Variants in PTRH1 observed in about 807,000 individuals in gnomAD.
PTRH1 encodes peptidyl-tRNA hydrolase 1 homolog.
PTRH1 carries 13 observed loss-of-function variants against 15.7 expected under a neutral mutation model. The ratio of observed to expected loss-of-function variants is 0.83; its 90% CI spans 0.54 to 1.31. PTRH1 has a LOEUF of 1.31. Ranked by LOEUF, PTRH1 falls within the 40% of genes most tolerant of loss-of-function variation. PTRH1 has a pLI of 0.00. For missense variants in PTRH1, 319 were observed against 296.2 expected, an observed-to-expected ratio of 1.08 and a Z score of -0.56; for synonymous variants, 139 against 136.7, an observed-to-expected ratio of 1.02 and a Z score of -0.12.
At chr9:127,712,251 CAGCGGCTACAG>C (rs778716738), downstream of PTRH1, 5 of 1,613,888 alleles carry the variant, frequency 3.1e-6, no homozygotes, top group Non-Finnish European at 4.2e-6. Context: ...GGTGGATTTG[CAGCGGCTACAG>C]CAGGAACTGG....
downstream of PTRH1, chr9:127,711,502 C>G (rs762478299): frequency 9.3e-6 from 15 of 1,611,850 alleles, no homozygotes; most frequent in South Asian, 1.4e-4. Flanking sequence ...AGAAGGTGTG[C>G]CTGCAGGCCT....
At chr9:127,710,772 C>T, downstream of PTRH1, 1 of 1,554,070 alleles carries the variant, frequency 6.4e-7, no homozygotes, top group Non-Finnish European at 8.7e-7. Context: ...AGCGGGGCAC[C>T]CTTTGGGGCC....
intron 1 of PTRH1, among the ~76,000 whole-genome samples, chr9:127,703,675 A>T (rs181347807): frequency 7.9e-4 from 121 of 152,302 alleles, no homozygotes; most frequent in African/African-American, 2.6e-3. Flanking sequence ...CACGGCACCC[A>T]AACTGGGGGA....
downstream of PTRH1, chr9:127,709,456 GAGA>G (rs763080928): frequency 6.8e-6 from 11 of 1,613,814 alleles, no homozygotes; most frequent in Middle Eastern, 1.7e-4. The surrounding 1 kb of genome is among the most constrained non-coding windows in gnomAD (Gnocchi z 4.7). Context: ...GGCTGTGCAG[GAGA>G]AGATGTTCCG....
downstream of PTRH1, chr9:127,712,367 AG>A: frequency 6.2e-7 from 1 of 1,612,824 alleles, no homozygotes; most frequent in Non-Finnish European, 8.5e-7. Flanking sequence ...GAAGGGAGAG[AG>A]GGAGGGCGCA....
At chr9:127,703,698 T>C (rs1004130861) in intron 1 of PTRH1, among the ~76,000 whole-genome samples, 3 of 152,132 alleles carry the variant, frequency 2.0e-5, no homozygotes, top group Admixed American at 6.5e-5. Flanking sequence ...GACCTACTTT[T>C]CCTAAGTCAC....
chr9:127,704,072 A>G (rs1224299026), intron 1 of PTRH1, among the ~76,000 whole-genome samples: 2 of 152,188 alleles, frequency 1.3e-5, no homozygotes, highest in Non-Finnish European at 2.9e-5. Flanking sequence ...CCTAGAGCAT[A>G]ACACCCCAGG....
intron 1 of PTRH1, among the ~76,000 whole-genome samples, chr9:127,702,764 T>G (rs974185081): frequency 6.6e-6 from 1 of 151,528 alleles, no homozygotes; most frequent in Non-Finnish European, 1.5e-5. Flanking sequence ...CAGGCTGGAG[T>G]GCAATGGCAT....
intron 1 of PTRH1, among the ~76,000 whole-genome samples, chr9:127,704,003 G>A (rs934029027): frequency 6.6e-6 from 1 of 152,184 alleles, no homozygotes; most frequent in Non-Finnish European, 1.5e-5. Flanking sequence ...CTCCCAGGGC[G>A]AAATGAAGAG....
chr9:127,697,387 T>C (rs1345344014), intron 1 of PTRH1, among the ~76,000 whole-genome samples: 1 of 152,072 alleles, frequency 6.6e-6, no homozygotes, highest in African/African-American at 2.4e-5. Flanking sequence ...TGGCCGGGCG[T>C]AGTGGCTCAC....
intron 1 of PTRH1, among the ~76,000 whole-genome samples, chr9:127,706,489 G>A (rs927474428): frequency 6.6e-6 from 1 of 152,174 alleles, no homozygotes; most frequent in Admixed American, 6.5e-5. Context: ...GAGTGCCTGG[G>A]CTGGTGGGGA....
At chr9:127,706,915 G>A (rs567519910) in intron 1 of PTRH1, 1 of 1,255,514 alleles carries the variant, frequency 8.0e-7, no homozygotes, top group African/African-American at 1.5e-5. Flanking sequence ...GCAAGAAGAG[G>A]GCAGGGTCCC....
At position 127,715,467 on chromosome 9, in the gene PTRH1, A is replaced by C; in HGVS notation, c.96+77T>G. On this transcript the variant is annotated intron_variant, in intron 1 of 4. Transcript: ENST00000543175. This position sits in a 1 kb window ranked among gnomAD's most constrained non-coding sequence, Gnocchi z 5.8. ...GAAAACAGAGCAGCAATTTGGGGGC[A>C]CTCGGCTCCCGGGACATAATGGCCG... 6.3e-7 allele frequency: 1 copy of C among 1,591,878 alleles called. No homozygotes were observed. The highest frequency in any genetic ancestry group is 8.6e-7 in the Non-Finnish European group (1 of 1,164,660).
rs957363795 is a variant in PTRH1, at chr9:127,695,009, G to A, written c.338C>T (p.Ser113Phe). 3 of 702,738 alleles carry A rather than the reference G, an allele frequency of 4.3e-6. No homozygotes were observed. The African/African-American group carries it at 5.2e-5, about 12-fold the overall frequency. 43.5% of individuals were successfully genotyped at this position (702,738 alleles called of 1,614,324 possible). Residue 113 changes from serine to phenylalanine, a missense_variant, in exon 2 of 3, where the codon TCC becomes TTC. By Grantham distance (155) the Ser-to-Phe change is radical. Coordinates refer to the PTRH1 transcript ENST00000335223. ...CCTCCTGTAGTGCCCGTGGAGGCGG[G>A]AAGCTGAGCCCGGCTCCCAGGAAGC...
intron 1 of PTRH1, among the ~76,000 whole-genome samples, chr9:127,699,321 C>T (rs1842586105): frequency 1.3e-5 from 2 of 152,230 alleles, no homozygotes; most frequent in Admixed American, 6.5e-5. Context: ...TCAACCAACG[C>T]GGAACCGACA....
In PTRH1 at chr9:127,713,922, C is replaced by A. The variant is rs1489782451; in HGVS notation, c.*178G>T. 2.5e-6 allele frequency: 4 copies of A among 1,611,604 alleles called. No homozygotes were observed. The highest frequency in any genetic ancestry group is 1.3e-5 in the African/African-American group (1 of 75,000). On this transcript the variant is annotated 3_prime_UTR_variant, in exon 5 of 5. Transcript: ENST00000543175. ...CCCAAGTAGGACACAGAGAGAAGAACCTACTCCAGAAATGGACTGGTCCAG... is the reference window on the plus strand; with the variant it reads ...CCCAAGTAGGACACAGAGAGAAGAAACTACTCCAGAAATGGACTGGTCCAG...
intron 1 of PTRH1, among the ~76,000 whole-genome samples, chr9:127,697,828 G>A (rs567838440): frequency 9.2e-5 from 14 of 152,304 alleles, no homozygotes; most frequent in Non-Finnish European, 1.2e-4. Flanking sequence ...TGGAGGGAGC[G>A]CTGCCTCTTT....
chr9:127,698,148 T>TA (rs1009792410), intron 1 of PTRH1, among the ~76,000 whole-genome samples: 1 of 152,152 alleles, frequency 6.6e-6, no homozygotes, highest in African/African-American at 2.4e-5. Flanking sequence ...TAGTCCTAAC[T>TA]ACTTGGGAGG....
chr9:127,699,503 G>A (rs1413620200), intron 1 of PTRH1, among the ~76,000 whole-genome samples: 1 of 152,198 alleles, frequency 6.6e-6, no homozygotes, highest in Non-Finnish European at 1.5e-5. Context: ...GGAGGCGGGG[G>A]TTCCTGGAGT....
Sources: allele counts gnomAD v4.1 joint callset (sites outside exome capture counted in the v4.1 genomes callset), GRCh38; gene constraint gnomAD v4.1.1; non-coding constraint Gnocchi (gnomAD v3.1); transcripts MANE v1.5; gene names NCBI Gene and HGNC (gene_info 2026-07-23, HGNC 2026-07-21).